Variants in NOTCH2 observed in about 807,000 individuals in gnomAD.
The protein encoded by NOTCH2 is notch receptor 2.
A neutral mutation model predicts 235.8 loss-of-function variants in NOTCH2; 29 were observed. That is an observed-to-expected ratio of 0.12 (90% CI 0.09 to 0.17). NOTCH2 has a LOEUF of 0.17. NOTCH2 is among the 10% of genes least tolerant of loss of function. The pLI is 1.00. For missense variants in NOTCH2, 2,285 were observed against 3,150.2 expected (o/e 0.73, Z 6.57); for synonymous variants, 1,086 against 1,141.5 (o/e 0.95, Z 0.98).
Position 119,929,166 on chromosome 1 carries a change from A to G in NOTCH2, c.3702T>C (p.His1234=), listed in dbSNP as rs376503331. ...CCATGCACTGACCACCATTAAGGCA[A>G]TGGGGACCCCGGGCACAGTCATCAA... ...ENIDDCARGP[H]CLNGGQCMDR... Residue 1234 remains histidine (H), a synonymous_variant, in exon 23 of 34, where the codon CAT becomes CAC. Transcript: ENST00000256646. The G allele has an allele frequency of 1.4e-4, 229 of 1,614,068 alleles. 1 individual carries two copies. The highest frequency in any genetic ancestry group is 1.8e-4 in the Non-Finnish European group (218 of 1,180,014).
At chr1:119,989,483 C>T (rs1652147692) in intron 4 of NOTCH2, among the ~76,000 whole-genome samples, 1 of 151,728 alleles carries the variant, frequency 6.6e-6, no homozygotes, top group African/African-American at 2.4e-5. Context: ...TGTATTCCAT[C>T]AAGTTAAAAA....
At position 120,005,127 on chromosome 1, in the gene NOTCH2, T is replaced by C. The variant is rs1652915383; in HGVS notation, c.415+202A>G. On this transcript the variant is annotated intron_variant, in intron 3 of 33. Coordinates refer to ENST00000256646, the MANE Select transcript of NOTCH2 (RefSeq NM_024408.4). ...TTAAGCAGTCAAAGTATTTGGTACT[T>C]TTTCTTTCTCTTTCTCTGCCCCCTG... The C allele has an allele frequency of 4.9e-6, 4 of 812,012 alleles. No individual in the cohort carries two copies. The Admixed American group carries it at 7.3e-5, about 15-fold the overall frequency. The allele number at this position is 812,012 out of a possible 1,614,324, so 50.3% of individuals were successfully genotyped here. A position where few individuals can be genotyped will look rare whatever the true frequency, so the allele number is the denominator to read the frequency against.
intron 1 of NOTCH2, among the ~76,000 whole-genome samples, chr1:120,048,073 T>C (rs1553213932): frequency 6.6e-6 from 1 of 151,472 alleles, no homozygotes; most frequent in East Asian, 2.0e-4. Context: ...AGCTGAAAAA[T>C]TACTTACCTT....
At chr1:119,937,035 GA>G (rs1158159734) in intron 21 of NOTCH2, among the ~76,000 whole-genome samples, 9 of 152,266 alleles carry the variant, frequency 5.9e-5, no homozygotes, top group Admixed American at 5.9e-4. Context: ...TCTTGGCTCT[GA>G]ATCCTAAAAG....
chr1:120,000,258 G>A (rs61787013), intron 3 of NOTCH2, among the ~76,000 whole-genome samples: 15 of 151,618 alleles, frequency 9.9e-5, no homozygotes, highest in Admixed American at 1.3e-4. Flanking sequence ...AGAATCGGCC[G>A]GGTGTGGTGG....
At chr1:119,966,354 G>C in intron 9 of NOTCH2, 22 bp downstream of exon 9, 1 of 1,533,924 alleles carries the variant, frequency 6.5e-7, no homozygotes. Context: ...AGAGAAAACA[G>C]GGCCAGGTCG....
chr1:120,023,157 GC>G (rs1553209338), intron 2 of NOTCH2, among the ~76,000 whole-genome samples: 5 of 152,014 alleles, frequency 3.3e-5, no homozygotes. Flanking sequence ...TATGTCCTCA[GC>G]TGGGTGTGGT....
In NOTCH2 at chr1:119,914,703, A is replaced by C; in HGVS notation, c.*603T>G. On this transcript the variant is annotated 3_prime_UTR_variant, in exon 34 of 34. Transcript: ENST00000256646. ...ACCAAAGTAAACCTTGTGAGACTCC[A>C]AGGGATACCGGGAAGACAGGAGGGG... 1 of 250,062 alleles carries C rather than the reference A, an allele frequency of 4.0e-6. No individual in the cohort carries two copies. Among genetic ancestry groups the C allele is most frequent in the South Asian group, 1.3e-4 (1 of 7,874 alleles). The allele number at this position is 250,062 out of a possible 1,614,324, so 15.5% of individuals were successfully genotyped here.
rs1649376249 is a variant in NOTCH2, at chr1:119,923,988, G to A, written c.4512-4C>T. 4 of 1,610,466 alleles carry A rather than the reference G, an allele frequency of 2.5e-6. No homozygotes were observed. Among genetic ancestry groups the A allele is most frequent in the Non-Finnish European group, 3.4e-6 (4 of 1,176,854 alleles). On this transcript the variant is annotated splice_region_variant and splice_polypyrimidine_tract_variant and intron_variant, in intron 25 of 33. Coordinates refer to ENST00000256646, the MANE Select transcript of NOTCH2 (RefSeq NM_024408.4). ...GTCTGCACAGTATTTGTCATACCTA[G>A]GTAAGGGGAAGCAGAGAACAGGCAA...
chr1:119,938,034 A>C, intron 19 of NOTCH2, 24 bp from the exon 20 acceptor site: 1 of 1,612,772 alleles, frequency 6.2e-7, no homozygotes, highest in Non-Finnish European at 8.5e-7. Flanking sequence ...AGGGGTGTAC[A>C]TACATCAAAA....
intron 12 of NOTCH2, among the ~76,000 whole-genome samples, chr1:119,955,847 T>G (rs1354479165): frequency 1.3e-5 from 2 of 152,246 alleles, no homozygotes; most frequent in African/African-American, 2.4e-5. Context: ...GAGAAAATAA[T>G]GCAGTCTGTC....
intron 2 of NOTCH2, among the ~76,000 whole-genome samples, chr1:120,009,145 C>T (rs1420341679): frequency 3.3e-5 from 5 of 152,068 alleles, no homozygotes; most frequent in African/African-American, 7.3e-5. Flanking sequence ...GCAGCCCTAG[C>T]GTGTCTGAGA....
chr1:120,069,115 C>T (rs1553217752), intron 1 of NOTCH2: 2 of 1,523,830 alleles, frequency 1.3e-6, no homozygotes, highest in Non-Finnish European at 1.8e-6. Flanking sequence ...GGTCCCGGGC[C>T]GCGGGGAGCA....
At chr1:120,042,524 C>T (rs1271086362) in intron 1 of NOTCH2, among the ~76,000 whole-genome samples, 1 of 132,238 alleles carries the variant, frequency 7.6e-6, no homozygotes, top group Non-Finnish European at 1.5e-5. Flanking sequence ...CACCTCATCA[C>T]ATTAACAAGA....
intron 4 of NOTCH2, among the ~76,000 whole-genome samples, chr1:119,988,440 A>C (rs1156724814): frequency 1.3e-5 from 2 of 152,188 alleles, no homozygotes; most frequent in African/African-American, 4.8e-5. Context: ...ATCACTGAAG[A>C]AGCCTGAAAA....
chr1:120,058,257 A>T (rs1655188839), intron 1 of NOTCH2, among the ~76,000 whole-genome samples: 1 of 152,206 alleles, frequency 6.6e-6, no homozygotes, highest in African/African-American at 2.4e-5. Flanking sequence ...TAATCCCAGC[A>T]CTTTGGGAGG....
At chr1:119,938,630 A>G (rs1328594357) in intron 19 of NOTCH2, among the ~76,000 whole-genome samples, 1 of 152,052 alleles carries the variant, frequency 6.6e-6, no homozygotes, top group Non-Finnish European at 1.5e-5. Context: ...TTGTGCACTC[A>G]TATGATTATC....
chr1:119,920,203 A>C, intron 30 of NOTCH2, 26 bp downstream of exon 30: 4 of 1,613,446 alleles, frequency 2.5e-6, no homozygotes, highest in Non-Finnish European at 3.4e-6. Context: ...CAGCCCAGTG[A>C]AGAGGGGAAG....
chr1:120,028,668 C>G (rs1355401358), intron 2 of NOTCH2, among the ~76,000 whole-genome samples: 1 of 139,052 alleles, frequency 7.2e-6, no homozygotes, highest in African/African-American at 2.7e-5. Flanking sequence ...CAGAACAGAT[C>G]TCACTGGAAA....
Sources: allele counts gnomAD v4.1 joint callset (sites outside exome capture counted in the v4.1 genomes callset), GRCh38; gene constraint gnomAD v4.1.1; transcripts MANE v1.5; gene names NCBI Gene and HGNC (gene_info 2026-07-23, HGNC 2026-07-21).